Variants in MYOZ3 observed in about 807,000 individuals in gnomAD.
MYOZ3 encodes the protein myozenin 3, also known as myozenin-3.
A neutral mutation model predicts 26.5 loss-of-function variants in MYOZ3; 19 were observed. The observed-to-expected ratio is 0.72, with a 90% CI of 0.50 to 1.05. The LOEUF is 1.05. Among genes scored for constraint, MYOZ3 ranks in the 50% least tolerant of loss-of-function variants. The pLI is 0.00. For missense variants in MYOZ3, 322 were observed against 337.1 expected, an observed-to-expected ratio of 0.96 and a Z score of 0.35; for synonymous variants, 135 against 138.8, an observed-to-expected ratio of 0.97 and a Z score of 0.19.
At chr5:150,671,484 G>A (rs1170363800) in intron 3 of MYOZ3, 113 bp from the exon 4 acceptor site, 2 of 1,076,282 alleles carry the variant, frequency 1.9e-6, no homozygotes, top group Non-Finnish European at 2.8e-6. Flanking sequence ...GTTCCCCGAT[G>A]ATGGGCGTTA....
chr5:150,671,552 C>A, intron 3 of MYOZ3, 45 bp from the exon 4 acceptor site: 1 of 1,608,168 alleles, frequency 6.2e-7, no homozygotes, highest in Non-Finnish European at 8.5e-7. Flanking sequence ...TGGTCCCCTG[C>A]CCCGCTGAGC....
Position 150,672,706 on chromosome 5 carries a change from A to G in MYOZ3, c.587+204A>G, listed in dbSNP as rs983587655. The G allele has an allele frequency of 2.2e-5, 13 of 583,106 alleles. No individual in the cohort carries two copies. The African/African-American group carries it at 2.3e-4, about 10-fold the overall frequency. The allele number at this position is 583,106 out of a possible 1,614,324, so 36.1% of individuals were successfully genotyped here. Reference sequence around the variant, plus strand: ...TTAACGTGGGAGAAATGAAGAGTGAAGGTGCCGCACATCTTGGATATTCTC... The same window carrying G: ...TTAACGTGGGAGAAATGAAGAGTGAGGGTGCCGCACATCTTGGATATTCTC... On this transcript the variant is annotated intron_variant, in intron 6 of 6. Transcript: ENST00000517768.
chr5:150,671,885 C>G lies in MYOZ3; in HGVS notation c.401C>G (p.Pro134Arg), dbSNP rs1758921280. Residue 134 changes from proline to arginine, a missense_variant, in exon 5 of 7, where the codon CCC (proline) becomes CGC (arginine). Physicochemically the swap from Pro to Arg is moderately radical, Grantham distance 103 (BLOSUM62 -2). Transcript: ENST00000517768. ...HPAAAPAGCV[P>R]SPSALAPGYA... ...GCAGCCGCCCCTGCTGGGTGCGTCC[C>G]CAGCCCCAGCGCCCTGGCGCCAGGT... The G allele has an allele frequency of 1.3e-6, 2 of 1,569,570 alleles. No homozygotes were observed. Among genetic ancestry groups the G allele is most frequent in the South Asian group, 1.1e-5 (1 of 87,064 alleles).
Position 150,677,752 on chromosome 5 carries a change from T to A in MYOZ3, c.*877T>A, listed in dbSNP as rs575151861. The A allele has an allele frequency of 6.6e-6, 1 of 152,318 alleles. No homozygotes were observed. The highest frequency in any genetic ancestry group is 2.4e-5 in the African/African-American group (1 of 41,564). 9.4% of individuals were successfully genotyped at this position (152,318 alleles called of 1,614,324 possible). A position where few individuals can be genotyped will look rare whatever the true frequency, so the allele number is the denominator to read the frequency against. On this transcript the variant is annotated 3_prime_UTR_variant, in exon 7 of 7. Coordinates refer to ENST00000517768, the MANE Select transcript of MYOZ3 (RefSeq NM_001122853.3). Reference sequence around the variant, plus strand: ...ACAGTAGGGAAGACATTATAGAGCATGAAGTCACCATAATTTTCCCTAAAG... The same window carrying A: ...ACAGTAGGGAAGACATTATAGAGCAAGAAGTCACCATAATTTTCCCTAAAG...
At chr5:150,676,609 G>T in intron 6 of MYOZ3, 98 bp from the exon 7 acceptor site, 2 of 1,054,470 alleles carry the variant, frequency 1.9e-6, no homozygotes. Flanking sequence ...GAGGCTCAGA[G>T]AGCGGCAGGG....
chr5:150,676,643 CAT>C, intron 6 of MYOZ3, 62 bp from the exon 7 acceptor site: 1 of 1,526,664 alleles, frequency 6.6e-7, no homozygotes, highest in Non-Finnish European at 8.9e-7. Flanking sequence ...TGGTGATCCA[CAT>C]GTCAGTGTAC....
intron 6 of MYOZ3, among the ~76,000 whole-genome samples, chr5:150,675,229 TGTGTGTGTGGGG>T (rs1320186880): frequency 6.6e-6 from 1 of 152,074 alleles, no homozygotes; most frequent in African/African-American, 2.4e-5. Context: ...ATGGCGTTTG[TGTGTGTGTGGGG>T]GTGTGTGTGT....
intron 1 of MYOZ3, 84 bp downstream of exon 1, chr5:150,661,511 G>A (rs1349033466): frequency 6.6e-6 from 1 of 152,248 alleles, no homozygotes; most frequent in African/African-American, 2.4e-5. Flanking sequence ...TTCCCCCGGA[G>A]AGGAAGGGCC....
At position 150,676,882 on chromosome 5, in the gene MYOZ3, C is replaced by G. The variant is rs767297912; in HGVS notation, c.*7C>G. 1.9e-6 allele frequency: 3 copies of G among 1,601,978 alleles called. No individual in the cohort carries two copies. Among genetic ancestry groups the G allele is most frequent in the Non-Finnish European group, 2.6e-6 (3 of 1,175,798 alleles). ...AGAGTCCGAGGAGCTGTAGCCCTAG[C>G]CTGAATCTTCAGTTCCCCAGTCTCG... On this transcript the variant is annotated 3_prime_UTR_variant, in exon 7 of 7. Coordinates refer to ENST00000517768, the MANE Select transcript of MYOZ3 (RefSeq NM_001122853.3).
At chr5:150,662,565 C>G (rs533122852) in intron 1 of MYOZ3, among the ~76,000 whole-genome samples, 80 of 152,302 alleles carry the variant, frequency 5.3e-4, no homozygotes, top group South Asian at 3.5e-3. Context: ...GACTAGGACT[C>G]TCCTGGGTCA....
In MYOZ3 at chr5:150,669,633, C is replaced by CT. The variant is rs532402882; in HGVS notation, c.62-819dup. On this transcript the variant is annotated intron_variant, in intron 2 of 6. Transcript: ENST00000517768. ...CAACTTTCCTCAGGGCCCATATATG[C>CT]TTTTTTTTTTTTTTTTTTTTTTTTT... Among the ~76,000 whole-genome samples, 349 of 47,716 alleles carry CT rather than the reference C, an allele frequency of 7.3e-3. 103 individuals carry two copies. Among genetic ancestry groups the CT allele is most frequent in the African/African-American group, 9.9e-3 (167 of 16,874 alleles). 31.3% of individuals were successfully genotyped at this position (47,716 alleles called of 152,430 possible). A position where few individuals can be genotyped will look rare whatever the true frequency, so the allele number is the denominator to read the frequency against.
chr5:150,670,349 A>AATC, intron 2 of MYOZ3, 135 bp from the exon 3 acceptor site: 1 of 1,018,748 alleles, frequency 9.8e-7, no homozygotes, highest in Non-Finnish European at 1.3e-6. Flanking sequence ...GATTTCAAAC[A>AATC]ATCATGACAC....
intron 1 of MYOZ3, among the ~76,000 whole-genome samples, chr5:150,661,873 G>C (rs75401849): frequency 0.011 from 1,633 of 152,274 alleles, 22 homozygotes; most frequent in African/African-American, 0.03. Flanking sequence ...TCATGTTTAC[G>C]TATAGTTTTA....
At chr5:150,676,312 G>A (rs547262215) in intron 6 of MYOZ3, among the ~76,000 whole-genome samples, 1 of 152,128 alleles carries the variant, frequency 6.6e-6, no homozygotes, top group African/African-American at 2.4e-5. Flanking sequence ...TTGGGAGGCC[G>A]AGATGGGCGG....
intron 2 of MYOZ3, among the ~76,000 whole-genome samples, chr5:150,666,656 C>CACATATATATATATACACACACATAT (rs2151445049): frequency 6.9e-6 from 1 of 145,424 alleles, no homozygotes; most frequent in African/African-American, 2.5e-5. Flanking sequence ...TATACACACA[C>CACATATATATATATACACACACATAT]ATATATATAA....
chr5:150,671,885 C>T lies in MYOZ3; in HGVS notation c.401C>T (p.Pro134Leu). ...HPAAAPAGCV[P>L]SPSALAPGYA... ...GCAGCCGCCCCTGCTGGGTGCGTCC[C>T]CAGCCCCAGCGCCCTGGCGCCAGGT... Residue 134 changes from proline to leucine, a missense_variant, in exon 5 of 7, where the codon CCC becomes CTC. By Grantham distance (98) the Pro-to-Leu change is moderately conservative. Coordinates refer to ENST00000517768, the MANE Select transcript of MYOZ3 (RefSeq NM_001122853.3). 2 of 1,569,688 alleles carry T rather than the reference C, an allele frequency of 1.3e-6. No homozygotes were observed. The highest frequency in any genetic ancestry group is 1.7e-6 in the Non-Finnish European group (2 of 1,162,844).
chr5:150,672,540 G>T (rs550156599), intron 6 of MYOZ3, 38 bp downstream of exon 6: 3 of 1,525,384 alleles, frequency 2.0e-6, no homozygotes. Flanking sequence ...CAGACCGGGA[G>T]GGGCGGGAAG....
chr5:150,668,957 A>C (rs1758854477), intron 2 of MYOZ3: 2 of 152,244 alleles, frequency 1.3e-5, no homozygotes, highest in South Asian at 4.1e-4. Flanking sequence ...CCTCCAGGTC[A>C]GTTTTCTCCA....
At chr5:150,663,192 C>G (rs147428534) in intron 2 of MYOZ3, among the ~76,000 whole-genome samples, 190 bp downstream of exon 2, 6 of 152,232 alleles carry the variant, frequency 3.9e-5, no homozygotes, top group South Asian at 2.1e-4. Flanking sequence ...AGGGGTCTTG[C>G]CCATCTGTCC....
Sources: allele counts gnomAD v4.1 joint callset (sites outside exome capture counted in the v4.1 genomes callset), GRCh38; gene constraint gnomAD v4.1.1; transcripts MANE v1.5; gene names NCBI Gene and HGNC (gene_info 2026-07-23, HGNC 2026-07-21).